GABRB2: variants seen among roughly 807,000 people sequenced by gnomAD.
GABRB2 encodes the protein gamma-aminobutyric acid type A receptor subunit beta2.
In GABRB2, 16 loss-of-function variants were observed where a neutral mutation model predicts 54.7. That is an observed-to-expected ratio of 0.29 (90% CI 0.20 to 0.44). The LOEUF (loss-of-function observed/expected upper bound fraction) is 0.44, where lower values mean the gene tolerates loss of function less well. Ranked by LOEUF, GABRB2 falls within the 20% of genes least tolerant of loss-of-function variation. The probability of loss-of-function intolerance (pLI) is 1.00; values close to 1 mark genes in which losing one functional copy is unlikely to be tolerated. For synonymous variants in GABRB2, 244 were observed against 233.8 expected, an observed-to-expected ratio of 1.04 and a Z score of -0.40; for missense variants, 355 against 644.0, an observed-to-expected ratio of 0.55 and a Z score of 4.86.
At chr5:161,373,600 T>C (rs1029821759) in intron 5 of GABRB2, among the ~76,000 whole-genome samples, 2 of 152,210 alleles carry the variant, frequency 1.3e-5, no homozygotes, top group Non-Finnish European at 2.9e-5. Flanking sequence ...TTTTTTGGAA[T>C]AGATTCCTAA....
intron 5 of GABRB2, among the ~76,000 whole-genome samples, chr5:161,407,039 A>C (rs1756368019): frequency 6.6e-6 from 1 of 152,114 alleles, no homozygotes; most frequent in South Asian, 2.1e-4. Context: ...AAAACACGTA[A>C]TGAATGAACA....
At chr5:161,354,350 A>G (rs960850741) in intron 5 of GABRB2, among the ~76,000 whole-genome samples, 2 of 152,066 alleles carry the variant, frequency 1.3e-5, no homozygotes, top group Admixed American at 1.3e-4. Context: ...ATATATTTAT[A>G]TATTCTTAGA....
chr5:161,373,766 G>A (rs1217935614), intron 5 of GABRB2, among the ~76,000 whole-genome samples: 2 of 151,850 alleles, frequency 1.3e-5, no homozygotes, highest in African/African-American at 4.8e-5. Flanking sequence ...CTCCTTTATG[G>A]TCCAACTCAT....
intron 3 of GABRB2, among the ~76,000 whole-genome samples, chr5:161,542,908 A>G (rs1361156623): frequency 6.6e-6 from 1 of 152,268 alleles, no homozygotes; most frequent in African/African-American, 2.4e-5. Flanking sequence ...CAGAGATGGA[A>G]TTTCCCATCT....
chr5:161,536,167 G>C (rs1417081242), intron 3 of GABRB2, among the ~76,000 whole-genome samples: 1 of 152,118 alleles, frequency 6.6e-6, no homozygotes, highest in Non-Finnish European at 1.5e-5. Flanking sequence ...ACACTAAATG[G>C]ACTAAGACAA....
intron 4 of GABRB2, among the ~76,000 whole-genome samples, chr5:161,414,393 G>A (rs901531726): frequency 3.3e-5 from 5 of 152,094 alleles, no homozygotes; most frequent in East Asian, 1.9e-4. Flanking sequence ...ACCTGCTAAC[G>A]TGTAGATACT....
intron 3 of GABRB2, among the ~76,000 whole-genome samples, chr5:161,510,301 G>A (rs1759729371): frequency 6.8e-6 from 1 of 147,542 alleles, no homozygotes; most frequent in Admixed American, 6.8e-5. Context: ...CTATGTCCAT[G>A]AGTTCAATTG....
Position 161,504,029 on chromosome 5 carries a change from A to AT in GABRB2, c.237+41197dup, listed in dbSNP as rs1230071298. Among the ~76,000 whole-genome samples, 3 of 152,204 alleles carry AT rather than the reference A, an allele frequency of 2.0e-5. No homozygotes were observed. The East Asian group carries it at 5.8e-4, about 29-fold the overall frequency. ...ATAGTATGAAATGTATATGCAACTA[A>AT]TTACAGACCTTTAAAATAAATGAAG... On this transcript the variant is annotated intron_variant, in intron 3 of 9. Transcript: ENST00000393959.
intron 5 of GABRB2, among the ~76,000 whole-genome samples, chr5:161,361,309 G>A (rs1399587967): frequency 6.6e-6 from 1 of 151,866 alleles, no homozygotes; most frequent in Non-Finnish European, 1.5e-5. Context: ...AAACTTTTAG[G>A]GAAGGAATTA....
chr5:161,444,308 T>G (rs1202782532), intron 4 of GABRB2, among the ~76,000 whole-genome samples: 1 of 152,170 alleles, frequency 6.6e-6, no homozygotes, highest in Non-Finnish European at 1.5e-5. Context: ...ATTTTAGTCA[T>G]ATAACATTTG....
At chr5:161,378,542 T>C (rs1181732745) in intron 5 of GABRB2, among the ~76,000 whole-genome samples, 2 of 152,174 alleles carry the variant, frequency 1.3e-5, no homozygotes, top group African/African-American at 4.8e-5. Context: ...GGCAAAGACA[T>C]GTTTTTATCA....
chr5:161,377,850 A>G (rs1424407518), intron 5 of GABRB2, among the ~76,000 whole-genome samples: 1 of 152,096 alleles, frequency 6.6e-6, no homozygotes, highest in African/African-American at 2.4e-5. Context: ...CACAGTGTCT[A>G]CATTTGCAGA....
At chr5:161,459,954 T>C (rs1008099730) in intron 3 of GABRB2, 110 bp from the exon 4 acceptor site, 5 of 657,488 alleles carry the variant, frequency 7.6e-6, no homozygotes, top group African/African-American at 7.3e-5. Context: ...AATTTATTTT[T>C]ATTTTTTTGA....
chr5:161,515,582 A>T (rs968617631), intron 3 of GABRB2, among the ~76,000 whole-genome samples: 1 of 152,130 alleles, frequency 6.6e-6, no homozygotes, highest in African/African-American at 2.4e-5. Context: ...TTTCCTTTAA[A>T]CGTCACTGAA....
chr5:161,473,830 T>C (rs997035594), intron 3 of GABRB2, among the ~76,000 whole-genome samples: 20 of 152,094 alleles, frequency 1.3e-4, no homozygotes, highest in African/African-American at 4.8e-4. Flanking sequence ...CAAGTAAAAT[T>C]TGCTGTCTCC....
At chr5:161,496,112 T>C (rs181095954) in intron 3 of GABRB2, among the ~76,000 whole-genome samples, 3 of 152,244 alleles carry the variant, frequency 2.0e-5, no homozygotes, top group African/African-American at 7.2e-5. Context: ...AACTGCAATG[T>C]GGCACAGGAA....
At chr5:161,514,032 C>A (rs1256860081) in intron 3 of GABRB2, among the ~76,000 whole-genome samples, 1 of 152,058 alleles carries the variant, frequency 6.6e-6, no homozygotes, top group Non-Finnish European at 1.5e-5. Context: ...AGCAAGAAAG[C>A]AGATGTTTTT....
chr5:161,423,275 C>T (rs1269549157), intron 4 of GABRB2, among the ~76,000 whole-genome samples: 1 of 152,082 alleles, frequency 6.6e-6, no homozygotes, highest in Non-Finnish European at 1.5e-5. Context: ...AATCCCTCTT[C>T]ATCTTGAGAG....
intron 5 of GABRB2, among the ~76,000 whole-genome samples, chr5:161,347,062 C>A (rs1454846948): frequency 6.6e-6 from 1 of 152,064 alleles, no homozygotes; most frequent in Non-Finnish European, 1.5e-5. Context: ...CATGGCACTG[C>A]TATTTTGTCT....
Sources: gnomAD v4.1 joint callset for allele counts (sites outside exome capture counted in the v4.1 genomes callset) on GRCh38, gnomAD v4.1.1 for gene constraint, MANE v1.5 for transcripts, NCBI Gene and HGNC (gene_info 2026-07-23, HGNC 2026-07-21) for gene names.